Variants in PHF24 observed in about 807,000 individuals in gnomAD.
PHF24 encodes the protein Galpha inhibitory interacting protein.
Under a neutral mutation model 42.6 loss-of-function variants are expected in PHF24, and 25 were observed. The observed-to-expected ratio is 0.59, with a 90% CI of 0.43 to 0.82. The LOEUF (loss-of-function observed/expected upper bound fraction) is 0.82. Ranked by LOEUF, PHF24 falls within the 40% of genes least tolerant of loss-of-function variation. PHF24 has a pLI of 0.00. For missense variants in PHF24, 470 were observed against 538.1 expected (o/e 0.87, Z 1.25); for synonymous variants, 185 against 204.8 (o/e 0.90, Z 0.83).
At chr9:34,689,851 A>G in the PHF24 span, 2 of 1,614,088 alleles carry the variant, frequency 1.2e-6, no homozygotes, top group Non-Finnish European at 1.7e-6. The surrounding 1 kb of genome is among the most constrained non-coding windows in gnomAD (Gnocchi z 4.1). Flanking sequence ...TAGAGGAGGA[A>G]GGAGAGGAAG....
the PHF24 span, chr9:34,723,716 G>A: frequency 1.9e-6 from 3 of 1,551,704 alleles, no homozygotes; most frequent in Non-Finnish European, 2.6e-6. Context: ...AGCCTGAGTT[G>A]GTTGGCTCAG....
At chr9:34,937,267 G>A in the PHF24 span, among the ~76,000 whole-genome samples, 3 of 152,306 alleles carry the variant, frequency 2.0e-5, no homozygotes, top group East Asian at 1.9e-4. Context: ...TGTAGAAAGC[G>A]GTAGACATGG....
chr9:34,719,337 C>T, the PHF24 span, among the ~76,000 whole-genome samples: 1 of 152,192 alleles, frequency 6.6e-6, no homozygotes, highest in African/African-American at 2.4e-5. Flanking sequence ...CAGCGCCTGG[C>T]CTGAAGTAGT....
the PHF24 span, among the ~76,000 whole-genome samples, chr9:34,776,792 T>C: frequency 0.56 from 85,568 of 152,062 alleles, 25,065 homozygotes; most frequent in Non-Finnish European, 0.65. Flanking sequence ...GTCCTTACAT[T>C]GATGTCTGCA....
At chr9:34,809,049 ATAAT>A in the PHF24 span, among the ~76,000 whole-genome samples, 468 of 113,402 alleles carry the variant, frequency 4.1e-3, 7 homozygotes, top group Middle Eastern at 0.048. This position sits in a 1 kb window ranked among gnomAD's most constrained non-coding sequence, Gnocchi z 4.1. Context: ...AAAAAAAAAA[ATAAT>A]AAATAAATAA....
chr9:34,666,645 G>A, the PHF24 span, among the ~76,000 whole-genome samples: 178 of 151,544 alleles, frequency 1.2e-3, no homozygotes, highest in African/African-American at 4.2e-3. Context: ...GCATGGGGAT[G>A]TAGTAGTAAA....
At chr9:34,810,178 G>A in the PHF24 span, among the ~76,000 whole-genome samples, 2 of 152,096 alleles carry the variant, frequency 1.3e-5, no homozygotes, top group African/African-American at 2.4e-5. Flanking sequence ...GGACGGGGGC[G>A]GCGGGACCGG....
At chr9:34,849,912 G>C in the PHF24 span, among the ~76,000 whole-genome samples, 110 of 146,448 alleles carry the variant, frequency 7.5e-4, no homozygotes, top group South Asian at 2.2e-3. Context: ...TTGTCTTTAA[G>C]AATGTTGAAT....
At chr9:34,767,938 G>A in the PHF24 span, among the ~76,000 whole-genome samples, 16 of 152,100 alleles carry the variant, frequency 1.1e-4, no homozygotes, top group South Asian at 4.1e-4. Flanking sequence ...TTCTGGATGC[G>A]TGCACATCTA....
the PHF24 span, among the ~76,000 whole-genome samples, chr9:34,801,125 C>G: frequency 5.4e-4 from 83 of 152,302 alleles, 1 homozygote; most frequent in Non-Finnish European, 1.0e-3. Context: ...CCATCTCACA[C>G]CAGTTAGAAC....
At chr9:34,865,975 G>GT in the PHF24 span, among the ~76,000 whole-genome samples, 1 of 152,202 alleles carries the variant, frequency 6.6e-6, no homozygotes, top group African/African-American at 2.4e-5. Context: ...ATAATCTTTT[G>GT]TAACTTACTC....
chr9:34,847,212 T>C, the PHF24 span, among the ~76,000 whole-genome samples: 1 of 152,220 alleles, frequency 6.6e-6, no homozygotes, highest in Non-Finnish European at 1.5e-5. Context: ...TTTCATGATA[T>C]TGATTCTTCC....
chr9:34,673,982 C>T, the PHF24 span, among the ~76,000 whole-genome samples: 1 of 152,030 alleles, frequency 6.6e-6, no homozygotes, highest in Non-Finnish European at 1.5e-5. Context: ...TGTCAAATTC[C>T]TGAGGTTAAG....
chr9:34,734,527 G>GAAACA, the PHF24 span, among the ~76,000 whole-genome samples: 1 of 152,148 alleles, frequency 6.6e-6, no homozygotes, highest in African/African-American at 2.4e-5. Flanking sequence ...CTTCCCTATG[G>GAAACA]AAACAAAAGC....
the PHF24 span, among the ~76,000 whole-genome samples, chr9:34,732,792 C>T: frequency 6.6e-6 from 1 of 152,170 alleles, no homozygotes; most frequent in Non-Finnish European, 1.5e-5. Context: ...ATATTTTCTT[C>T]ATAAATGGAA....
chr9:34,925,020 T>G, the PHF24 span, among the ~76,000 whole-genome samples: 1 of 152,336 alleles, frequency 6.6e-6, no homozygotes, highest in Admixed American at 6.5e-5. Flanking sequence ...AGGACTCCCT[T>G]GAGCATGTCT....
the PHF24 span, among the ~76,000 whole-genome samples, chr9:34,885,989 G>T: frequency 6.6e-6 from 1 of 151,924 alleles, no homozygotes; most frequent in South Asian, 2.1e-4. Flanking sequence ...CTCTGGGTCT[G>T]TGCCCACACT....
chr9:34,902,289 TCAAC>T, the PHF24 span, among the ~76,000 whole-genome samples: 21,561 of 152,132 alleles, frequency 0.14, 2,150 homozygotes, highest in East Asian at 0.48. Flanking sequence ...TAGTTACTAC[TCAAC>T]CAAACAAAAT....
At chr9:34,781,116 C>T in the PHF24 span, among the ~76,000 whole-genome samples, 12 of 152,170 alleles carry the variant, frequency 7.9e-5, no homozygotes, top group Non-Finnish European at 1.5e-4. Context: ...CTATATTCCA[C>T]TCCTAGGTAA....
Sources: gnomAD v4.1 joint callset for allele counts (sites outside exome capture counted in the v4.1 genomes callset) on GRCh38, gnomAD v4.1.1 for gene constraint, Gnocchi (gnomAD v3.1) non-coding constraint, MANE v1.5 for transcripts, NCBI Gene and HGNC (gene_info 2026-07-23, HGNC 2026-07-21) for gene names.